XPO1: variants seen among roughly 807,000 people sequenced by gnomAD.
XPO1 encodes the protein exportin-1.
In XPO1, 5 loss-of-function variants were observed where a neutral mutation model predicts 133.3. That is an observed-to-expected ratio of 0.04 (90% confidence interval 0.02 to 0.08). The LOEUF (loss-of-function observed/expected upper bound fraction) is 0.08, where lower values mean the gene tolerates loss of function less well. Among genes scored for constraint, XPO1 ranks in the 10% least tolerant of loss-of-function variants. The pLI is 1.00. For missense variants in XPO1, 506 were observed against 1,267.5 expected (o/e 0.40, Z 9.12); for synonymous variants, 419 against 408.2 (o/e 1.03, Z -0.32).
intron 4 of XPO1, among the ~76,000 whole-genome samples, chr2:61,521,078 A>C (rs1698668303): frequency 6.6e-6 from 1 of 152,228 alleles, no homozygotes; most frequent in African/African-American, 2.4e-5. Flanking sequence ...ATAATAAAAC[A>C]TTTAAAGAAA....
intron 4 of XPO1, among the ~76,000 whole-genome samples, chr2:61,507,976 T>C (rs1027078210): frequency 1.3e-5 from 2 of 152,178 alleles, no homozygotes; most frequent in African/African-American, 4.8e-5. Flanking sequence ...CAACAGGATC[T>C]TCAATGGATT....
At chr2:61,521,898 G>A (rs1473120890) in intron 4 of XPO1, among the ~76,000 whole-genome samples, 2 of 151,102 alleles carry the variant, frequency 1.3e-5, no homozygotes, top group Non-Finnish European at 2.9e-5. Context: ...TGTCCCCGCC[G>A]CCACCTGCAC....
chr2:61,506,530 C>G (rs114502080), intron 4 of XPO1, among the ~76,000 whole-genome samples: 2,443 of 145,214 alleles, frequency 0.017, 54 homozygotes, highest in African/African-American at 0.057. Context: ...ACCCAGGAGC[C>G]AGAGGTTGCT....
intron 2 of XPO1, among the ~76,000 whole-genome samples, chr2:61,530,667 T>C (rs1272008096): frequency 8.6e-5 from 13 of 151,848 alleles, no homozygotes; most frequent in Admixed American, 2.0e-4. Flanking sequence ...AAGTTCTGTC[T>C]ACAGATTAAA....
chr2:61,485,936 C>A lies in XPO1; in HGVS notation c.2340G>T (p.Leu780=). 1.9e-6 allele frequency: 3 copies of A among 1,609,238 alleles called. No homozygotes were observed. Among genetic ancestry groups the A allele is most frequent in the South Asian group, 1.1e-5 (1 of 89,770 alleles). ...QMVAENFVPP[L]LDAVLIDYQR... The stretch of plus-strand genomic sequence containing the variant: ...GATAATCAATGAGAACTGCATCCAA[C>A]AGAGGGGGAACAAAATTTTCAGCGA... Residue 780 remains leucine (L), a synonymous_variant, in exon 20 of 25, where the codon CTG becomes CTT. Coordinates refer to ENST00000401558, the MANE Select transcript of XPO1 (RefSeq NM_003400.4).
intron 17 of XPO1, 147 bp downstream of exon 17, chr2:61,490,495 C>T (rs970299105): frequency 1.7e-6 from 2 of 1,189,626 alleles, no homozygotes; most frequent in South Asian, 1.5e-5. Context: ...CACCACACCT[C>T]GCCCAGATAA....
chr2:61,494,269 C>T lies in XPO1; in HGVS notation c.1048-178G>A, dbSNP rs1426130076. ...GAGTAACTCTGCTTCTTCTGACATG[C>T]CCTAAAGCACTTCAAAAATCTCTCA... On this transcript the variant is annotated intron_variant, in intron 11 of 24. Coordinates refer to ENST00000401558, the MANE Select transcript of XPO1 (RefSeq NM_003400.4). 5 of 555,960 alleles carry T rather than the reference C, an allele frequency of 9.0e-6. No homozygotes were observed. The Admixed American group carries it at 1.4e-4, about 15-fold the overall frequency. 34.4% of individuals were successfully genotyped at this position (555,960 alleles called of 1,614,324 possible).
rs1558639564 is a variant in XPO1 at position 61,492,551 on chromosome 2, C to A, written c.1566+16G>T. On this transcript the variant is annotated intron_variant, in intron 14 of 24. Coordinates refer to ENST00000401558, the MANE Select transcript of XPO1 (RefSeq NM_003400.4). This position sits in a 1 kb window ranked among gnomAD's most constrained non-coding sequence, Gnocchi z 5.6. Reference sequence around the variant, plus strand: ...ACTTATTTAGCAATTCTAATTCATACCTATCCCTTGCATACCTTTATAACA... The same window carrying A: ...ACTTATTTAGCAATTCTAATTCATAACTATCCCTTGCATACCTTTATAACA... 6.2e-7 allele frequency: 1 copy of A among 1,604,646 alleles called. No individual in the cohort carries two copies. Among genetic ancestry groups the A allele is most frequent in the South Asian group, 1.1e-5 (1 of 88,812 alleles).
chr2:61,522,529 T>G, intron 4 of XPO1, 82 bp downstream of exon 4: 14 of 1,198,780 alleles, frequency 1.2e-5, no homozygotes, highest in Non-Finnish European at 1.7e-5. Context: ...AAAGATTCAT[T>G]ACATGCCCCC....
intron 16 of XPO1, 147 bp downstream of exon 16, chr2:61,491,888 A>G: frequency 1.0e-6 from 1 of 998,764 alleles, no homozygotes; most frequent in Non-Finnish European, 1.4e-6. Flanking sequence ...CAACAGAGTA[A>G]GACCCTGTCT....
At chr2:61,482,275 C>A (rs967752581) in intron 23 of XPO1, 105 bp downstream of exon 23, 2 of 1,095,342 alleles carry the variant, frequency 1.8e-6, no homozygotes, top group Non-Finnish European at 2.5e-6. Flanking sequence ...AACTTTTGGG[C>A]CCAAGCAATC....
At chr2:61,531,158 G>T (rs1699137919) in intron 2 of XPO1, among the ~76,000 whole-genome samples, 1 of 152,208 alleles carries the variant, frequency 6.6e-6, no homozygotes, top group African/African-American at 2.4e-5. Flanking sequence ...TAAACGAAAA[G>T]TAGACTGAAC....
chr2:61,481,109 AT>A, intron 24 of XPO1, 75 bp downstream of exon 24: 1 of 884,186 alleles, frequency 1.1e-6, no homozygotes, highest in Non-Finnish European at 1.7e-6. Flanking sequence ...AAATCAAGTG[AT>A]AAAAATTCTA....
chr2:61,489,352 G>A (rs1361063808), intron 17 of XPO1, among the ~76,000 whole-genome samples: 1 of 150,370 alleles, frequency 6.7e-6, no homozygotes, highest in East Asian at 2.0e-4. Context: ...GGCAGAGGTT[G>A]CAGTGAGCCG....
At chr2:61,488,803 A>G in intron 17 of XPO1, 32 bp from the exon 18 acceptor site, 1 of 1,608,418 alleles carries the variant, frequency 6.2e-7, no homozygotes, top group Non-Finnish European at 8.5e-7. Flanking sequence ...TCCATTTATC[A>G]TATAAGAATT....
intron 6 of XPO1, among the ~76,000 whole-genome samples, chr2:61,501,605 T>C (rs1405931630): frequency 1.3e-5 from 2 of 150,416 alleles, no homozygotes; most frequent in East Asian, 2.0e-4. Flanking sequence ...CACCCGTAAT[T>C]CCAGCCACTC....
intron 17 of XPO1, among the ~76,000 whole-genome samples, chr2:61,489,914 CAG>C (rs1364818583): frequency 4.2e-5 from 6 of 142,306 alleles, no homozygotes; most frequent in South Asian, 2.2e-4. Flanking sequence ...TTTTTTGAGA[CAG>C]AGTCTTCCTC....
In XPO1 at chr2:61,508,173, C is replaced by T. The variant is rs553191681; in HGVS notation, c.302-5863G>A. Among the ~76,000 whole-genome samples the T allele has an allele frequency of 3.4e-4, 52 of 152,144 alleles. No individual in the cohort carries two copies. The Middle Eastern group carries it at 0.01, about 30-fold the overall frequency. On this transcript the variant is annotated intron_variant, in intron 4 of 24. Transcript: ENST00000401558. ...GAGGCGGAATTCAAGACCAGCCTGG[C>T]CAACATAGTGAAACTCTATCTCTAC...
At chr2:61,514,503 G>C (rs984716042) in intron 4 of XPO1, among the ~76,000 whole-genome samples, 3 of 150,908 alleles carry the variant, frequency 2.0e-5, no homozygotes, top group African/African-American at 7.3e-5. Context: ...TGAGGCAGGA[G>C]AATCGCTTGA....
Sources: allele counts gnomAD v4.1 joint callset (sites outside exome capture counted in the v4.1 genomes callset), GRCh38; gene constraint gnomAD v4.1.1; non-coding constraint Gnocchi (gnomAD v3.1); transcripts MANE v1.5; gene names NCBI Gene and HGNC (gene_info 2026-07-23, HGNC 2026-07-21).